SYN1: variants seen among roughly 807,000 people sequenced by gnomAD.
SYN1 encodes synapsin-1.
In SYN1, 8 loss-of-function variants were observed where a neutral mutation model predicts 44.6. The observed-to-expected ratio is 0.18, with a 90% CI of 0.11 to 0.32. SYN1 has a LOEUF of 0.32. Among genes scored for constraint, SYN1 ranks in the 10% least tolerant of loss-of-function variants. The pLI, the probability that SYN1 is intolerant of heterozygous loss-of-function variation, is 1.00. For missense variants in SYN1, 451 were observed against 639.4 expected, an observed-to-expected ratio of 0.71 and a Z score of 3.18; for synonymous variants, 275 against 280.1, an observed-to-expected ratio of 0.98 and a Z score of 0.18.
intron 1 of SYN1, 27 bp from the exon 2 acceptor site, chrX:47,607,225 CAAT>C (rs1364817289): frequency 1.7e-6 from 2 of 1,196,674 alleles, no homozygotes; most frequent in Admixed American, 2.2e-5. Context: ...ACACATCTGT[CAAT>C]GATGAAATCT....
chrX:47,617,907 G>C (rs1013551662), intron 1 of SYN1, among the ~76,000 whole-genome samples: 1 of 111,485 alleles, frequency 9.0e-6, no homozygotes, highest in Non-Finnish European at 1.9e-5. Context: ...GTGGGGCTGG[G>C]GATGGACATA....
chrX:47,573,043 G>A, intron 12 of SYN1, 44 bp from the exon 13 acceptor site: 1 of 1,187,730 alleles, frequency 8.4e-7, no homozygotes, highest in Non-Finnish European at 1.1e-6. Flanking sequence ...GGGGGAAGAG[G>A]AAGGGGAGGA....
rs774818779 is a variant in SYN1, at chrX:47,619,365, G to A, written c.364C>T (p.Pro122Ser). ...ASRVLLVIDE[P>S]HTDWAKYFKG... ...GCAGTGGCTTACCAGTCGGTGTGCGGCTCGTCGATGACCAGCAGCACCCTG... is the reference window on the plus strand; with the variant it reads ...GCAGTGGCTTACCAGTCGGTGTGCGACTCGTCGATGACCAGCAGCACCCTG... Residue 122 changes from proline to serine, a missense_variant, in exon 1 of 13, where the codon CCG becomes TCG. Coordinates refer to ENST00000295987, the MANE Select transcript of SYN1 (RefSeq NM_006950.3). 48 of 1,197,099 alleles carry A rather than the reference G, an allele frequency of 4.0e-5. No individual in the cohort carries two copies. The highest frequency in any genetic ancestry group is 6.4e-4 in the Middle Eastern group (2 of 3,116).
Position 47,577,516 on chromosome X carries a change from G to C in SYN1, c.775-15C>G. On this transcript the variant is annotated splice_polypyrimidine_tract_variant and intron_variant, in intron 5 of 12. Transcript: ENST00000295987. ...GTACTGCTGAGCTGGTGGGGAAAAG[G>C]CAGAGGAGACATGCTCAGGGCAGAA... 8.3e-7 allele frequency: 1 copy of C among 1,200,008 alleles called. No homozygotes were observed. Among genetic ancestry groups the C allele is most frequent in the Non-Finnish European group, 1.1e-6 (1 of 888,931 alleles).
At chrX:47,573,930 A>T in intron 12 of SYN1, 72 bp downstream of exon 12, 2 of 982,212 alleles carry the variant, frequency 2.0e-6, no homozygotes, top group Non-Finnish European at 2.7e-6. Flanking sequence ...CAAGGGAGCT[A>T]GGGCTGCTCT....
intron 5 of SYN1, chrX:47,583,280 C>G (rs1482396343): frequency 6.6e-6 from 3 of 454,996 alleles, no homozygotes; most frequent in Non-Finnish European, 1.1e-5. Context: ...GCTTACCAAC[C>G]CCTCAAGCCC....
Position 47,610,501 on chromosome X carries a change from G to A in SYN1, c.378-3303C>T, listed in dbSNP as rs144092387. The stretch of plus-strand genomic sequence containing the variant: ...CTCCTGGAAACCAGACCAAAAATTA[G>A]GGTGAAATCCTAGTGAAACCTGACT... On this transcript the variant is annotated intron_variant, in intron 1 of 12. Transcript: ENST00000295987. Among the ~76,000 whole-genome samples, 282 of 106,547 alleles carry A rather than the reference G, an allele frequency of 2.6e-3. 1 individual carries two copies. Among genetic ancestry groups the A allele is most frequent in the African/African-American group, 9.4e-3 (272 of 29,010 alleles). The allele number at this position is 106,547 out of a possible 115,157, so 92.5% of individuals were successfully genotyped here.
intron 5 of SYN1, among the ~76,000 whole-genome samples, chrX:47,594,749 C>CA (rs1483197494): frequency 1.0e-5 from 1 of 98,326 alleles, no homozygotes; most frequent in African/African-American, 3.7e-5. Flanking sequence ...TTTTTTGAGA[C>CA]AGAGTTTCGC....
chrX:47,607,995 A>G (rs763165403), intron 1 of SYN1, among the ~76,000 whole-genome samples: 21 of 109,026 alleles, frequency 1.9e-4, no homozygotes, highest in Non-Finnish European at 9.5e-5. Context: ...GTGCTATTAC[A>G]CTCCAGCCTG....
intron 5 of SYN1, among the ~76,000 whole-genome samples, chrX:47,588,559 G>A: frequency 8.9e-6 from 1 of 112,189 alleles, no homozygotes; most frequent in Non-Finnish European, 1.9e-5. Context: ...AGGGAGGACC[G>A]GAGACCAGAA....
At chrX:47,583,666 G>A in intron 5 of SYN1, 1 of 770,811 alleles carries the variant, frequency 1.3e-6, no homozygotes, top group Non-Finnish European at 1.8e-6. Context: ...TAGCCACACT[G>A]GCATCCTCAC....
chrX:47,593,052 T>TG (rs1253644377), intron 5 of SYN1, among the ~76,000 whole-genome samples: 96 of 108,903 alleles, frequency 8.8e-4, no homozygotes, highest in African/African-American at 3.2e-3. Flanking sequence ...TTTTGTGTTT[T>TG]TTTTGTTTTG....
intron 3 of SYN1, 96 bp from the exon 4 acceptor site, chrX:47,605,475 G>T: frequency 9.4e-7 from 1 of 1,060,645 alleles, no homozygotes. Context: ...ATAGCTCCCA[G>T]AAATTGCAAA....
intron 5 of SYN1, among the ~76,000 whole-genome samples, chrX:47,593,493 T>C (rs1320968324): frequency 5.4e-5 from 6 of 111,423 alleles, no homozygotes; most frequent in Non-Finnish European, 1.1e-4. Flanking sequence ...GGTCTCGAAC[T>C]CCTGATCTCA....
At chrX:47,611,927 G>A in intron 1 of SYN1, among the ~76,000 whole-genome samples, 1 of 111,768 alleles carries the variant, frequency 8.9e-6, no homozygotes, top group Middle Eastern at 4.6e-3. Context: ...ATACCTAGGA[G>A]GCCTCTTCCC....
intron 1 of SYN1, among the ~76,000 whole-genome samples, chrX:47,609,287 G>T (rs1039874997): frequency 3.6e-5 from 4 of 112,086 alleles, no homozygotes; most frequent in African/African-American, 1.3e-4. Flanking sequence ...TTGTCACAGG[G>T]AACTGCCTTG....
At chrX:47,607,607 G>C (rs749969317) in intron 1 of SYN1, among the ~76,000 whole-genome samples, 2 of 109,556 alleles carry the variant, frequency 1.8e-5, no homozygotes, top group South Asian at 7.8e-4. Context: ...GCCAGGTACG[G>C]TGGCTTACGC....
At chrX:47,583,575 G>T in intron 5 of SYN1, 2 of 1,155,097 alleles carry the variant, frequency 1.7e-6, no homozygotes, top group Non-Finnish European at 2.3e-6. Flanking sequence ...ACTCTGCCTT[G>T]GTTTCCCTTT....
chrX:47,596,433 T>C (rs1291941037), intron 5 of SYN1, among the ~76,000 whole-genome samples: 2 of 112,568 alleles, frequency 1.8e-5, no homozygotes, highest in African/African-American at 6.4e-5. Context: ...GCTGTATGTA[T>C]GCCTAGGATC....
Sources: allele counts gnomAD v4.1 joint callset (sites outside exome capture counted in the v4.1 genomes callset), GRCh38; gene constraint gnomAD v4.1.1; transcripts MANE v1.5; gene names NCBI Gene and HGNC (gene_info 2026-07-23, HGNC 2026-07-21).